Variants in CDH13 observed in about 807,000 individuals in gnomAD.
CDH13 encodes cadherin 13, also known as cadherin-13.
A neutral mutation model predicts 63.8 loss-of-function variants in CDH13; 24 were observed. The observed-to-expected ratio is 0.38, with a 90% CI of 0.27 to 0.53. The LOEUF (loss-of-function observed/expected upper bound fraction) is 0.53. Among genes scored for constraint, CDH13 ranks in the 20% least tolerant of loss-of-function variants. The pLI, the probability that CDH13 is intolerant of heterozygous loss-of-function variation, is 0.85. For missense variants in CDH13, 1,049 were observed against 903.1 expected (o/e 1.16, Z -2.07); for synonymous variants, 503 against 355.3 (o/e 1.42, Z -4.67).
At chr16:83,559,498 G>A (rs1397404728) in intron 7 of CDH13, among the ~76,000 whole-genome samples, 2 of 152,032 alleles carry the variant, frequency 1.3e-5, no homozygotes, top group Non-Finnish European at 2.9e-5. Flanking sequence ...TTGAACCTGG[G>A]AGACAGAGGT....
chr16:82,908,863 T>C (rs1160113256), intron 2 of CDH13, among the ~76,000 whole-genome samples: 2 of 152,226 alleles, frequency 1.3e-5, no homozygotes, highest in African/African-American at 4.8e-5. Context: ...TGGCTCCACT[T>C]ATCCACATGT....
intron 6 of CDH13, among the ~76,000 whole-genome samples, chr16:83,367,090 A>G (rs1332146982): frequency 2.6e-5 from 4 of 152,200 alleles, no homozygotes; most frequent in East Asian, 3.9e-4. Context: ...ATGACTCCCA[A>G]AATGAAATTC....
At position 83,031,995 on chromosome 16, in the gene CDH13, T is replaced by C. The variant is rs975074520; in HGVS notation, c.158-15T>C. ...ACCTACTCATGCTCCTTCTGTTGTT[T>C]CGTTTGTTTCCCAGTGACCTTCAGT... is the stretch of plus-strand genomic sequence containing the variant. On this transcript the variant is annotated splice_polypyrimidine_tract_variant and intron_variant, in intron 2 of 13. Coordinates refer to ENST00000567109, the MANE Select transcript of CDH13 (RefSeq NM_001257.5). 16 of 1,564,192 alleles carry C rather than the reference T, an allele frequency of 1.0e-5. No individual in the cohort carries two copies. Among genetic ancestry groups the C allele is most frequent in the Admixed American group, 3.8e-5 (2 of 52,740 alleles).
chr16:83,249,726 T>C (rs41455448), intron 5 of CDH13, among the ~76,000 whole-genome samples: 2,161 of 152,312 alleles, frequency 0.014, 40 homozygotes, highest in African/African-American at 0.049. Context: ...ATGTCCATTC[T>C]AAGACAATGC....
rs2072441405 is a variant in CDH13, at chr16:83,440,214, C to A, written c.782-46263C>A. On this transcript the variant is annotated intron_variant, in intron 6 of 13. Transcript: ENST00000567109. Reference sequence around the variant, plus strand: ...AAATGTGGCAGCATTAGATGTGGGTCACAGAGTTGTAGACAGGCTTAGGAC... The same window carrying A: ...AAATGTGGCAGCATTAGATGTGGGTAACAGAGTTGTAGACAGGCTTAGGAC... Among the ~76,000 whole-genome samples, 4 of 152,284 alleles carry A rather than the reference C, an allele frequency of 2.6e-5. No individual in the cohort carries two copies. The South Asian group carries it at 8.3e-4, about 32-fold the overall frequency.
intron 10 of CDH13, among the ~76,000 whole-genome samples, chr16:83,741,338 C>G (rs140830875): frequency 4.0e-5 from 6 of 151,024 alleles, no homozygotes; most frequent in Admixed American, 2.7e-4. Context: ...AAGAATTCCC[C>G]TACTGTTTCC....
intron 2 of CDH13, among the ~76,000 whole-genome samples, chr16:82,945,152 A>G (rs1378085324): frequency 1.3e-5 from 2 of 152,222 alleles, no homozygotes; most frequent in South Asian, 2.1e-4. Flanking sequence ...GTAGAACTTA[A>G]TGTAAATAAG....
At chr16:82,776,306 A>G (rs972696984) in intron 1 of CDH13, among the ~76,000 whole-genome samples, 2 of 152,126 alleles carry the variant, frequency 1.3e-5, no homozygotes, top group African/African-American at 4.8e-5. Context: ...AGAAGGAGAG[A>G]AAAGAGAAAA....
chr16:83,358,944 A>G (rs1248813988), intron 6 of CDH13, among the ~76,000 whole-genome samples: 1 of 152,246 alleles, frequency 6.6e-6, no homozygotes, highest in African/African-American at 2.4e-5. Flanking sequence ...TCTAGTACTA[A>G]TAATCTGAAG....
intron 1 of CDH13, among the ~76,000 whole-genome samples, chr16:82,692,255 C>T (rs918992478): frequency 2.0e-5 from 3 of 152,276 alleles, no homozygotes; most frequent in Admixed American, 1.3e-4. Context: ...TCACACTCTG[C>T]CTTTGAAATA....
chr16:83,524,695 G>A (rs527439036), intron 7 of CDH13, among the ~76,000 whole-genome samples: 15 of 151,936 alleles, frequency 9.9e-5, no homozygotes, highest in East Asian at 1.9e-4. Flanking sequence ...CTGGTGATCC[G>A]CCCGCCTCGG....
rs368375982 is a variant in CDH13, at chr16:83,790,537, C to G, written c.2135-4486C>G. On this transcript the variant is annotated intron_variant, in intron 13 of 13. Coordinates refer to ENST00000567109, the MANE Select transcript of CDH13 (RefSeq NM_001257.5). ...GCCTCAGCCTCCCGAGTGGCTGAGA[C>G]TACAAGCGCCCGCCACCATGCCTGG... is the stretch of plus-strand genomic sequence containing the variant. Among the ~76,000 whole-genome samples the G allele has an allele frequency of 1.3e-4, 20 of 152,284 alleles. No homozygotes were observed. The East Asian group carries it at 2.3e-3, about 18-fold the overall frequency.
At chr16:82,943,248 C>T (rs1000708773) in intron 2 of CDH13, among the ~76,000 whole-genome samples, 3 of 152,116 alleles carry the variant, frequency 2.0e-5, no homozygotes, top group Non-Finnish European at 4.4e-5. Flanking sequence ...AATAAAGGCA[C>T]AATTTCCTTT....
At chr16:83,235,582 G>GGTT (rs376494871) in intron 5 of CDH13, among the ~76,000 whole-genome samples, 5 of 140,452 alleles carry the variant, frequency 3.6e-5, no homozygotes, top group East Asian at 2.0e-4. Context: ...ATGTGGTGGT[G>GGTT]TTTTTTTTTT....
chr16:83,231,869 C>T (rs1200346959), intron 5 of CDH13, among the ~76,000 whole-genome samples: 1 of 152,064 alleles, frequency 6.6e-6, no homozygotes, highest in South Asian at 2.1e-4. Flanking sequence ...GGGGGTGGAC[C>T]CCTCCTGAAT....
At chr16:83,253,810 T>C (rs1905882101) in intron 5 of CDH13, among the ~76,000 whole-genome samples, 1 of 152,244 alleles carries the variant, frequency 6.6e-6, no homozygotes, top group South Asian at 2.1e-4. Flanking sequence ...CCTGTGGACA[T>C]GTGCAGGCAC....
intron 5 of CDH13, among the ~76,000 whole-genome samples, chr16:83,314,851 A>T (rs12597952): frequency 6.6e-6 from 1 of 152,158 alleles, no homozygotes; most frequent in Non-Finnish European, 1.5e-5. Flanking sequence ...GGTTTTATGC[A>T]CAGCTCTTTT....
At chr16:83,451,435 C>G (rs1166761563) in intron 6 of CDH13, among the ~76,000 whole-genome samples, 1 of 152,216 alleles carries the variant, frequency 6.6e-6, no homozygotes, top group Admixed American at 6.5e-5. Flanking sequence ...CAGGTCCCAT[C>G]CACAACCTGT....
chr16:83,120,755 T>C (rs2035530663), intron 3 of CDH13, among the ~76,000 whole-genome samples: 1 of 117,744 alleles, frequency 8.5e-6, no homozygotes, highest in Non-Finnish European at 1.6e-5. Flanking sequence ...CGCGCTCTAA[T>C]TTTCTTTCTT....
Sources: gnomAD v4.1 joint callset for allele counts (sites outside exome capture counted in the v4.1 genomes callset) on GRCh38, gnomAD v4.1.1 for gene constraint, MANE v1.5 for transcripts, NCBI Gene and HGNC (gene_info 2026-07-23, HGNC 2026-07-21) for gene names.